Variants in ANKS1B observed in about 807,000 individuals in gnomAD.
ANKS1B encodes ankyrin repeat and sterile alpha motif domain-containing protein 1B.
In ANKS1B, 36 loss-of-function variants were observed where a neutral mutation model predicts 148.3. The observed-to-expected ratio is 0.24, with a 90% CI of 0.19 to 0.32. The LOEUF (loss-of-function observed/expected upper bound fraction) is 0.32, where lower values mean the gene tolerates loss of function less well. ANKS1B is among the 10% of genes least tolerant of loss of function. The probability of loss-of-function intolerance (pLI) is 1.00; values close to 1 mark genes in which losing one functional copy is unlikely to be tolerated. For synonymous variants in ANKS1B, 542 were observed against 560.8 expected (o/e 0.97, Z 0.47); for missense variants, 1,157 against 1,542.6 (o/e 0.75, Z 4.19).
intron 10 of ANKS1B, among the ~76,000 whole-genome samples, chr12:99,476,720 C>T (rs1173051940): frequency 1.3e-5 from 2 of 152,174 alleles, no homozygotes; most frequent in Non-Finnish European, 2.9e-5. Context: ...TATTAGCTAT[C>T]TATTTCTGTG....
chr12:99,089,870 A>G (rs2053447970), intron 15 of ANKS1B, among the ~76,000 whole-genome samples: 1 of 152,196 alleles, frequency 6.6e-6, no homozygotes, highest in African/African-American at 2.4e-5. Context: ...AAGGTGTTTA[A>G]ATAACAATAA....
At chr12:99,305,805 C>T (rs1265477167) in intron 12 of ANKS1B, among the ~76,000 whole-genome samples, 1 of 152,088 alleles carries the variant, frequency 6.6e-6, no homozygotes, top group Non-Finnish European at 1.5e-5. Context: ...TCATTAAAGG[C>T]TTGAATCATC....
chr12:99,920,752 A>G (rs1386534494), intron 1 of ANKS1B, among the ~76,000 whole-genome samples: 1 of 152,138 alleles, frequency 6.6e-6, no homozygotes, highest in South Asian at 2.1e-4. Context: ...CCATGTCCAA[A>G]GGCAGGAGAA....
intron 10 of ANKS1B, among the ~76,000 whole-genome samples, chr12:99,492,916 A>C (rs990197255): frequency 2.6e-5 from 4 of 152,176 alleles, no homozygotes; most frequent in African/African-American, 9.7e-5. Context: ...TATATGACAA[A>C]CCCACAGCCA....
chr12:99,619,486 A>C (rs1415735599), intron 9 of ANKS1B, among the ~76,000 whole-genome samples: 1 of 152,002 alleles, frequency 6.6e-6, no homozygotes, highest in African/African-American at 2.4e-5. Context: ...GCAGATCTCC[A>C]GGCATTCACC....
chr12:99,102,822 G>T (rs937087516), intron 15 of ANKS1B, among the ~76,000 whole-genome samples: 1 of 152,158 alleles, frequency 6.6e-6, no homozygotes, highest in African/African-American at 2.4e-5. Context: ...CCACCTGGGA[G>T]GCTGAGATGG....
chr12:99,947,571 A>G (rs1316646433), intron 1 of ANKS1B, among the ~76,000 whole-genome samples: 1 of 146,150 alleles, frequency 6.8e-6, no homozygotes, highest in Middle Eastern at 3.2e-3. Context: ...AGGTTTCTAT[A>G]TCAGTGCTAT....
chr12:99,484,261 CATT>C (rs1300095299), intron 10 of ANKS1B, among the ~76,000 whole-genome samples: 22 of 152,010 alleles, frequency 1.4e-4, no homozygotes, highest in Non-Finnish European at 3.1e-4. Context: ...GCTCAGATAT[CATT>C]GAGGAGCAGG....
intron 19 of ANKS1B, among the ~76,000 whole-genome samples, chr12:98,817,537 A>G (rs975080159): frequency 8.5e-5 from 13 of 152,198 alleles, no homozygotes; most frequent in Non-Finnish European, 1.8e-4. Context: ...CCTGCCCACC[A>G]TCGGAGACAG....
intron 17 of ANKS1B, among the ~76,000 whole-genome samples, chr12:98,887,976 T>C (rs2099743893): frequency 6.6e-6 from 1 of 152,252 alleles, no homozygotes; most frequent in Non-Finnish European, 1.5e-5. Flanking sequence ...AAAGTCTTTC[T>C]TTCTATCCGC....
At chr12:98,752,362 G>T (rs567955977) in intron 25 of ANKS1B, among the ~76,000 whole-genome samples, 3 of 151,840 alleles carry the variant, frequency 2.0e-5, no homozygotes, top group African/African-American at 4.8e-5. Flanking sequence ...GGGTTCAAGC[G>T]ATTCTCTTGC....
chr12:99,947,399 G>A (rs940867845), intron 1 of ANKS1B, among the ~76,000 whole-genome samples: 10 of 152,258 alleles, frequency 6.6e-5, no homozygotes, highest in African/African-American at 2.2e-4. Flanking sequence ...CAGGGAGACA[G>A]AGGCATGGGA....
intron 17 of ANKS1B, among the ~76,000 whole-genome samples, chr12:98,915,361 A>AC (rs1555500439): frequency 2.0e-5 from 3 of 151,356 alleles, no homozygotes; most frequent in African/African-American, 4.9e-5. Flanking sequence ...GTGAGACAGA[A>AC]TTTTTTTTTA....
chr12:99,513,179 A>G (rs1481363810), intron 9 of ANKS1B, among the ~76,000 whole-genome samples: 1 of 152,068 alleles, frequency 6.6e-6, no homozygotes, highest in African/African-American at 2.4e-5. Context: ...CTGAAGGCTC[A>G]TATGATCGTT....
chr12:98,899,517 T>C lies in ANKS1B; in HGVS notation c.2779-67381A>G, dbSNP rs114575799. Reference sequence around the variant, plus strand: ...AACTAAAGGAGATTATCTTAGATAATGTCATTCAACTAGTTGAAAGTCCTT... The same window carrying C: ...AACTAAAGGAGATTATCTTAGATAACGTCATTCAACTAGTTGAAAGTCCTT... On this transcript the variant is annotated intron_variant, in intron 17 of 26. Coordinates refer to ENST00000683438, the MANE Select transcript of ANKS1B (RefSeq NM_001352186.2). Among the ~76,000 whole-genome samples the C allele has an allele frequency of 7.8e-3, 1,182 of 152,308 alleles. 15 individuals are homozygous for C. Among genetic ancestry groups the C allele is most frequent in the African/African-American group, 0.027 (1,115 of 41,578 alleles).
intron 8 of ANKS1B, among the ~76,000 whole-genome samples, chr12:99,734,268 C>T (rs1272722845): frequency 6.6e-6 from 1 of 152,034 alleles, no homozygotes; most frequent in Non-Finnish European, 1.5e-5. Flanking sequence ...TAACATCTTC[C>T]TTTTTTTCTC....
chr12:99,384,588 G>A (rs1040111612), intron 12 of ANKS1B, among the ~76,000 whole-genome samples: 2 of 151,478 alleles, frequency 1.3e-5, no homozygotes, highest in East Asian at 1.9e-4. Context: ...TTTTCTTCTC[G>A]TCCCTTCCCT....
At chr12:99,819,160 T>C (rs1446444557) in intron 2 of ANKS1B, among the ~76,000 whole-genome samples, 1 of 151,910 alleles carries the variant, frequency 6.6e-6, no homozygotes, top group East Asian at 1.9e-4. Context: ...TTTACTTCTC[T>C]TTAATGGGAA....
intron 1 of ANKS1B, among the ~76,000 whole-genome samples, chr12:99,946,893 G>A (rs1422439993): frequency 6.6e-6 from 1 of 152,102 alleles, no homozygotes; most frequent in Admixed American, 6.6e-5. Context: ...TCTGCAACAT[G>A]CAGAACCACG....
Sources: allele counts gnomAD v4.1 joint callset (sites outside exome capture counted in the v4.1 genomes callset), GRCh38; gene constraint gnomAD v4.1.1; transcripts MANE v1.5; gene names NCBI Gene and HGNC (gene_info 2026-07-23, HGNC 2026-07-21).